The following ZNF250 variants were observed in gnomAD, a reference collection of about 807,000 sequenced individuals.
The protein encoded by ZNF250 is zinc finger protein 250.
ZNF250 carries 13 observed loss-of-function variants against 37.1 expected under a neutral mutation model. The ratio of observed to expected loss-of-function variants is 0.35; its 90% CI spans 0.23 to 0.56. The LOEUF (loss-of-function observed/expected upper bound fraction) is 0.56. Among genes scored for constraint, ZNF250 ranks in the 20% least tolerant of loss-of-function variants. The pLI, the probability that ZNF250 is intolerant of heterozygous loss-of-function variation, is 0.87. For missense variants in ZNF250, 474 were observed against 697.9 expected (o/e 0.68, Z 3.61); for synonymous variants, 251 against 265.6 (o/e 0.94, Z 0.54).
chr8:144,886,290 G>A (rs1342577594), intron 5 of ZNF250, among the ~76,000 whole-genome samples: 1 of 151,932 alleles, frequency 6.6e-6, no homozygotes, highest in Admixed American at 6.6e-5. Flanking sequence ...GGGCAACACA[G>A]CAAGACTCTG....
At position 144,887,252 on chromosome 8, in the gene ZNF250, C is replaced by CAAAAAAAAAAA. The variant is rs56677445; in HGVS notation, c.284-361_284-351dup. 6.8e-4 allele frequency among the ~76,000 whole-genome samples: 43 copies of CAAAAAAAAAAA among 63,080 alleles called. 3 individuals carry two copies. Among genetic ancestry groups the CAAAAAAAAAAA allele is most frequent in the African/African-American group, 3.1e-3 (41 of 13,220 alleles). 41.4% of individuals were successfully genotyped at this position (63,080 alleles called of 152,430 possible). A position where few individuals can be genotyped will look rare whatever the true frequency, so the allele number is the denominator to read the frequency against. On this transcript the variant is annotated intron_variant, in intron 4 of 5. Transcript: ENST00000417550. ...GGGGACAGAGTGAAACTCCGTCTCT[C>CAAAAAAAAAAA]AAAAAAAAAAAAAAAAAAAAAAAAA...
rs1832772110 is a variant in ZNF250, at chr8:144,897,054, CACATCGCAGTGAG to C, written c.-55+4332_-55+4344del. ...CAGTTTTCTTTAGGTGATCAAAAGC[CACATCGCAGTGAG>C]ACATTCCTATCACTCTTTTTGGAAT... On this transcript the variant is annotated intron_variant, in intron 1 of 5. Coordinates refer to ENST00000417550, the MANE Select transcript of ZNF250 (RefSeq NM_001109689.4). The surrounding 1 kb of genome is among the most constrained non-coding windows in gnomAD (Gnocchi z 5.2). Among the ~76,000 whole-genome samples the C allele has an allele frequency of 6.6e-6, 1 of 152,220 alleles. No homozygotes were observed. The highest frequency in any genetic ancestry group is 2.1e-4 in the South Asian group (1 of 4,828).
intron 1 of ZNF250, among the ~76,000 whole-genome samples, chr8:144,899,096 G>C (rs1832916425): frequency 1.3e-5 from 2 of 152,092 alleles, no homozygotes; most frequent in Non-Finnish European, 2.9e-5. Flanking sequence ...TGGAACTGGA[G>C]GTCATTATGT....
chr8:144,896,008 C>CAAAAAAA lies in ZNF250; in HGVS notation c.-55+5384_-55+5390dup, dbSNP rs1183288137. Reference sequence around the variant, plus strand: ...TGCATAACAGAGCAAGACTCTGTCTCAAAAAAAAAAAAAAAAAAAAAATCC... The same window carrying CAAAAAAA: ...TGCATAACAGAGCAAGACTCTGTCTCAAAAAAAAAAAAAAAAAAAAAAAAAAAAATCC... On this transcript the variant is annotated intron_variant, in intron 1 of 5. Coordinates refer to ENST00000417550, the MANE Select transcript of ZNF250 (RefSeq NM_001109689.4). Among the ~76,000 whole-genome samples the CAAAAAAA allele has an allele frequency of 6.5e-3, 425 of 64,902 alleles. 10 individuals carry two copies. The highest frequency in any genetic ancestry group is 0.021 in the African/African-American group (378 of 18,418). The allele number at this position is 64,902 out of a possible 152,430, so 42.6% of individuals were successfully genotyped here. A position where few individuals can be genotyped will look rare whatever the true frequency, so the allele number is the denominator to read the frequency against.
chr8:144,899,510 A>G (rs1339452118), intron 1 of ZNF250, among the ~76,000 whole-genome samples: 2 of 152,188 alleles, frequency 1.3e-5, no homozygotes, highest in Non-Finnish European at 2.9e-5. Context: ...AAATGTGTAT[A>G]ATTATTATAT....
chr8:144,886,761 G>C, intron 5 of ZNF250, 79 bp downstream of exon 5: 1 of 1,300,790 alleles, frequency 7.7e-7, no homozygotes, highest in Non-Finnish European at 1.1e-6. Flanking sequence ...GCACCGAGTC[G>C]CCTCTACATT....
In ZNF250 at chr8:144,881,995, C is replaced by G; in HGVS notation, c.1188G>C (p.Gly396=). 6.2e-7 allele frequency: 1 copy of G among 1,614,108 alleles called. No homozygotes were observed. The highest frequency in any genetic ancestry group is 8.5e-7 in the Non-Finnish European group (1 of 1,180,016). The change falls in exon 6 of 6, where the codon GGG becomes GGC. Residue 396 remains glycine, a synonymous_variant. Coordinates refer to ENST00000417550, the MANE Select transcript of ZNF250 (RefSeq NM_001109689.4). ...GEKPYECSEC[G]KTFSHRSTLM... ...GTGTGGAGCGGTGGCTGAAGGTCTT[C>G]CCACACTCACTGCACTCATAGGGCT...
chr8:144,894,801 G>T (rs1361636812), intron 1 of ZNF250, among the ~76,000 whole-genome samples: 2 of 150,634 alleles, frequency 1.3e-5, no homozygotes, highest in Non-Finnish European at 2.9e-5. Flanking sequence ...AGGAATACAG[G>T]TTGCACCACC....
chr8:144,889,583 G>A lies in ZNF250; in HGVS notation c.281C>T (p.Ser94Leu). 1 of 1,613,136 alleles carries A rather than the reference G, an allele frequency of 6.2e-7. No homozygotes were observed. Among genetic ancestry groups the A allele is most frequent in the Non-Finnish European group, 8.5e-7 (1 of 1,179,216 alleles). Residue 94 changes from serine to leucine, a missense_variant and splice_region_variant, in exon 4 of 6, where the codon TCA becomes TTA. Coordinates refer to ENST00000417550, the MANE Select transcript of ZNF250 (RefSeq NM_001109689.4). ...AGGGGCCAGCTCTCCTCACTCACCT[G>A]AGTAGTCACTCCACAGGCCCTGGCT... ...KKSQGLWSDYSDNLKYDHTTA... is the reference protein window; with the variant it reads ...KKSQGLWSDYLDNLKYDHTTA...
rs1324565194 is a variant in ZNF250 at position 144,878,192 on chromosome 8, G to A, written c.*3323C>T. ...CTGAAGTAACACCTCAGTAATCTCA[G>A]TTCCTCTTTGGACTGTTACCTCAGT... On this transcript the variant is annotated 3_prime_UTR_variant, in exon 6 of 6. Coordinates refer to ENST00000417550, the MANE Select transcript of ZNF250 (RefSeq NM_001109689.4). 1 of 152,202 alleles carries A rather than the reference G, an allele frequency of 6.6e-6. No individual in the cohort carries two copies. The highest frequency in any genetic ancestry group is 6.5e-5 in the Admixed American group (1 of 15,268). 9.4% of individuals were successfully genotyped at this position (152,202 alleles called of 1,614,324 possible). A position where few individuals can be genotyped will look rare whatever the true frequency, so the allele number is the denominator to read the frequency against.
chr8:144,885,738 C>T (rs1389414348), intron 5 of ZNF250, among the ~76,000 whole-genome samples: 1 of 151,888 alleles, frequency 6.6e-6, no homozygotes, highest in African/African-American at 2.4e-5. Context: ...ATGTATAAGC[C>T]TCATCTTCAT....
At chr8:144,889,829 G>C (rs1048240460) in intron 3 of ZNF250, 104 bp downstream of exon 3, 7 of 1,481,008 alleles carry the variant, frequency 4.7e-6, no homozygotes, top group Non-Finnish European at 6.3e-6. Flanking sequence ...GAGGTGATGA[G>C]AGCAAACCTC....
rs185737916 is a variant in ZNF250, at chr8:144,886,756, G to A, written c.346+84C>T. 283 of 1,246,884 alleles carry A rather than the reference G, an allele frequency of 2.3e-4. 1 individual carries two copies. The highest frequency in any genetic ancestry group is 7.1e-5 in the East Asian group (3 of 42,082). The allele number at this position is 1,246,884 out of a possible 1,614,324, so 77.2% of individuals were successfully genotyped here. On this transcript the variant is annotated intron_variant, in intron 5 of 5. Coordinates refer to ENST00000417550, the MANE Select transcript of ZNF250 (RefSeq NM_001109689.4). ...GTTGTTTAACACGCTTCATAGCACC[G>A]AGTCGCCTCTACATTCTTGTAAAAC...
intron 5 of ZNF250, among the ~76,000 whole-genome samples, chr8:144,885,040 T>G (rs187138934): frequency 1.1e-4 from 17 of 152,340 alleles, no homozygotes; most frequent in South Asian, 2.1e-4. Flanking sequence ...TCAGAGGAAT[T>G]TATTAAGTGT....
At position 144,878,249 on chromosome 8, in the gene ZNF250, G is replaced by A. The variant is rs1831246414; in HGVS notation, c.*3266C>T. 2 of 151,950 alleles carry A rather than the reference G, an allele frequency of 1.3e-5. No individual in the cohort carries two copies. Among genetic ancestry groups the A allele is most frequent in the Admixed American group, 6.6e-5 (1 of 15,260 alleles). The allele number at this position is 151,950 out of a possible 1,614,324, so 9.4% of individuals were successfully genotyped here. ...AGCTCCATTCTGAAGTAACTTCTCA[G>A]TGATCATAGCTTTTCCCTAAAGTAA... On this transcript the variant is annotated 3_prime_UTR_variant, in exon 6 of 6. Transcript: ENST00000417550.
chr8:144,890,111 G>A lies in ZNF250; in HGVS notation c.43-52C>T. The A allele has an allele frequency of 6.3e-7, 1 of 1,592,864 alleles. No homozygotes were observed. The highest frequency in any genetic ancestry group is 1.3e-5 in the African/African-American group (1 of 74,602). On this transcript the variant is annotated intron_variant, in intron 2 of 5. Coordinates refer to ENST00000417550, the MANE Select transcript of ZNF250 (RefSeq NM_001109689.4). This position sits in a 1 kb window ranked among gnomAD's most constrained non-coding sequence, Gnocchi z 5.1. The stretch of plus-strand genomic sequence containing the variant: ...AAAACCAAATCCTGATGTCTGTGAT[G>A]GGGAGTGGGTGCATGTGACATGTGA...
chr8:144,890,510 C>G lies in ZNF250; in HGVS notation c.-54-107G>C. 1 of 602,964 alleles carries G rather than the reference C, an allele frequency of 1.7e-6. No individual in the cohort carries two copies. The highest frequency in any genetic ancestry group is 2.7e-6 in the Non-Finnish European group (1 of 377,332). 37.4% of individuals were successfully genotyped at this position (602,964 alleles called of 1,614,324 possible). A position where few individuals can be genotyped will look rare whatever the true frequency, so the allele number is the denominator to read the frequency against. ...TCATTCAGAGTCACTGAGGGGCACACTGAGGTCAGGTGCAAGGAGCTGCTA... is the reference window on the plus strand; with the variant it reads ...TCATTCAGAGTCACTGAGGGGCACAGTGAGGTCAGGTGCAAGGAGCTGCTA... On this transcript the variant is annotated intron_variant, in intron 1 of 5. Transcript: ENST00000417550. The surrounding 1 kb of genome is among the most constrained non-coding windows in gnomAD (Gnocchi z 5.1).
chr8:144,881,817 T>C lies in ZNF250; in HGVS notation c.1366A>G (p.Ser456Gly), dbSNP rs758581461. 2 of 1,614,252 alleles carry C rather than the reference T, an allele frequency of 1.2e-6. No homozygotes were observed. The highest frequency in any genetic ancestry group is 2.2e-5 in the South Asian group (2 of 91,084). Reference protein sequence around the residue: ...YVCGECGHAFSARRSLIQHER... With the variant: ...YVCGECGHAFGARRSLIQHER... ...TGCTGGATCAGAGACCGGCGTGCAC[T>C]GAAGGCGTGCCCACATTCACCACAC... Residue 456 changes from serine to glycine, a missense_variant, in exon 6 of 6, where the codon AGT (serine) becomes GGT (glycine). Around this residue, in one of 2 missense-constraint regions of ZNF250, gnomAD observed 282 missense variants for 470.4 expected, o/e 0.60. Coordinates refer to ENST00000417550, the MANE Select transcript of ZNF250 (RefSeq NM_001109689.4).
At position 144,876,997 on chromosome 8, in the gene ZNF250, C is replaced by G. The variant is rs1831167588; in HGVS notation, c.*4518G>C. 6.6e-6 allele frequency: 1 copy of G among 152,190 alleles called. No individual in the cohort carries two copies. The highest frequency in any genetic ancestry group is 1.5e-5 in the Non-Finnish European group (1 of 68,036). 9.4% of individuals were successfully genotyped at this position (152,190 alleles called of 1,614,324 possible). A position where few individuals can be genotyped will look rare whatever the true frequency, so the allele number is the denominator to read the frequency against. On this transcript the variant is annotated 3_prime_UTR_variant, in exon 6 of 6. Transcript: ENST00000417550. ...TTATTGGAAAGCGTCAGATTATACA[C>G]AGAAATTCCAGGCAGACTAAAATGT...
Sources: gnomAD v4.1 joint callset for allele counts (sites outside exome capture counted in the v4.1 genomes callset) on GRCh38, gnomAD v4.1.1 for gene constraint, gnomAD v4.1.1 regional missense constraint, Gnocchi (gnomAD v3.1) non-coding constraint, MANE v1.5 for transcripts, NCBI Gene and HGNC (gene_info 2026-07-23, HGNC 2026-07-21) for gene names.